FAM149B1: variants seen among roughly 807,000 people sequenced by gnomAD.
The protein encoded by FAM149B1 is family with sequence similarity 149 member B1, also known as primary cilium assembly protein FAM149B1.
In FAM149B1, 56 loss-of-function variants were observed where a neutral mutation model predicts 75.3. The ratio of observed to expected loss-of-function variants is 0.74; its 90% CI spans 0.60 to 0.93. FAM149B1 has a LOEUF of 0.93. Ranked by LOEUF, FAM149B1 falls within the 40% of genes least tolerant of loss-of-function variation. The pLI is 0.00. For synonymous variants in FAM149B1, 259 were observed against 256.1 expected (o/e 1.01, Z -0.11); for missense variants, 639 against 708.4 (o/e 0.90, Z 1.11).
At chr10:73,202,141 G>A (rs970352273) in intron 5 of FAM149B1, among the ~76,000 whole-genome samples, 1 of 152,116 alleles carries the variant, frequency 6.6e-6, no homozygotes, top group Non-Finnish European at 1.5e-5. Context: ...CTCCAGCCTG[G>A]GCGACAGAGC....
At chr10:73,177,186 A>G (rs1050471791) in intron 2 of FAM149B1, among the ~76,000 whole-genome samples, 2 of 152,112 alleles carry the variant, frequency 1.3e-5, no homozygotes, top group African/African-American at 2.4e-5. Context: ...CCTGGGTGAC[A>G]GAGCGAGACC....
At chr10:73,198,530 C>T (rs1388766888) in intron 5 of FAM149B1, among the ~76,000 whole-genome samples, 2 of 152,106 alleles carry the variant, frequency 1.3e-5, no homozygotes, top group Non-Finnish European at 2.9e-5. Flanking sequence ...TCAGGCTGGG[C>T]GTGGTGGCTC....
intron 3 of FAM149B1, among the ~76,000 whole-genome samples, chr10:73,178,946 G>A (rs533796844): frequency 2.0e-5 from 3 of 152,044 alleles, no homozygotes; most frequent in African/African-American, 7.2e-5. Context: ...GATGCAAGAT[G>A]CAATAGACAT....
intron 3 of FAM149B1, among the ~76,000 whole-genome samples, chr10:73,178,988 C>T (rs534218549): frequency 2.0e-5 from 3 of 150,854 alleles, no homozygotes; most frequent in Non-Finnish European, 2.9e-5. Flanking sequence ...TTTTTTGGAA[C>T]GGAGTCTCGC....
intron 1 of FAM149B1, among the ~76,000 whole-genome samples, chr10:73,170,790 A>G (rs1383065115): frequency 6.7e-6 from 1 of 150,100 alleles, no homozygotes; most frequent in African/African-American, 2.4e-5. Context: ...GTTCCTACTT[A>G]AAAAAAAAAT....
intron 3 of FAM149B1, among the ~76,000 whole-genome samples, chr10:73,185,251 A>G (rs866968882): frequency 6.6e-6 from 1 of 152,248 alleles, no homozygotes; most frequent in East Asian, 1.9e-4. Flanking sequence ...AACTAAATTA[A>G]TAATTAAAAA....
chr10:73,183,537 T>G (rs2042451301), intron 3 of FAM149B1: 1 of 152,120 alleles, frequency 6.6e-6, no homozygotes, highest in Non-Finnish European at 1.5e-5. Context: ...ACTTCTCAAT[T>G]CAGTTCATAA....
At chr10:73,216,849 T>TAA (rs2043308900) in intron 7 of FAM149B1, among the ~76,000 whole-genome samples, 1 of 152,206 alleles carries the variant, frequency 6.6e-6, no homozygotes, top group Admixed American at 6.5e-5. Flanking sequence ...AAGTGTGTTA[T>TAA]AAGTTCTGAC....
intron 3 of FAM149B1, among the ~76,000 whole-genome samples, chr10:73,188,733 GAA>G (rs200642036): frequency 2.6e-5 from 2 of 78,100 alleles, no homozygotes; most frequent in East Asian, 5.8e-4. Flanking sequence ...TCAGAAAAAA[GAA>G]AAAAAAAAAG....
intron 11 of FAM149B1, 62 bp downstream of exon 11, chr10:73,235,002 T>C: frequency 6.5e-7 from 1 of 1,529,684 alleles, no homozygotes; most frequent in Non-Finnish European, 8.8e-7. Flanking sequence ...GCAGTAATTC[T>C]GCAGGATCTG....
chr10:73,197,701 C>G (rs2042839617), intron 5 of FAM149B1, among the ~76,000 whole-genome samples: 1 of 151,700 alleles, frequency 6.6e-6, no homozygotes, highest in Non-Finnish European at 1.5e-5. Context: ...ACTCAGGAGG[C>G]AGAGGTTGCA....
At chr10:73,189,816 C>T (rs762432135) in intron 3 of FAM149B1, among the ~76,000 whole-genome samples, 2 of 152,226 alleles carry the variant, frequency 1.3e-5, no homozygotes, top group Admixed American at 6.5e-5. Flanking sequence ...TGTCAAATCT[C>T]ATTTGCTGTA....
At chr10:73,195,928 A>G (rs1242114383) in intron 5 of FAM149B1, among the ~76,000 whole-genome samples, 1 of 152,220 alleles carries the variant, frequency 6.6e-6, no homozygotes, top group Non-Finnish European at 1.5e-5. Flanking sequence ...AACAAAATCT[A>G]TGATATTTAC....
chr10:73,218,086 C>A (rs912796110), intron 7 of FAM149B1, among the ~76,000 whole-genome samples: 1 of 152,124 alleles, frequency 6.6e-6, no homozygotes, highest in African/African-American at 2.4e-5. Context: ...CCAACACACC[C>A]AACATACAAG....
chr10:73,169,604 ACAC>A (rs999294661), intron 1 of FAM149B1, among the ~76,000 whole-genome samples: 4 of 151,930 alleles, frequency 2.6e-5, no homozygotes, highest in Admixed American at 2.6e-4. Context: ...CTACAGGTGC[ACAC>A]CACCACAACT....
intron 12 of FAM149B1, among the ~76,000 whole-genome samples, chr10:73,236,018 G>T (rs527467416): frequency 3.9e-5 from 6 of 152,274 alleles, no homozygotes; most frequent in African/African-American, 1.2e-4. Flanking sequence ...CACTTGGAGA[G>T]CCTGGGGAAG....
At chr10:73,225,078 CCTA>C (rs1403182479) in intron 7 of FAM149B1, among the ~76,000 whole-genome samples, 4 of 152,192 alleles carry the variant, frequency 2.6e-5, no homozygotes, top group Admixed American at 2.6e-4. Context: ...TATAAACAAA[CCTA>C]CTGCACTGCC....
chr10:73,210,424 A>G lies in FAM149B1; in HGVS notation c.884A>G (p.Glu295Gly). ...GAGCAGTTGACACGTAGTCACTGGGAAGGATTTGCCTCTGGTAAGGATCTT... is the reference window on the plus strand; with the variant it reads ...GAGCAGTTGACACGTAGTCACTGGGGAGGATTTGCCTCTGGTAAGGATCTT... The part of the protein sequence containing the change: ...CMEQLTRSHW[E>G]GFASDDESNV... Residue 295 changes from glutamate (E) to glycine (G), a missense_variant, in exon 7 of 14, where the codon GAA becomes GGA. Glu to Gly is a moderately conservative substitution (Grantham distance 98). Coordinates refer to ENST00000242505, the MANE Select transcript of FAM149B1 (RefSeq NM_173348.2). 1 of 1,541,910 alleles carries G rather than the reference A, an allele frequency of 6.5e-7. No individual in the cohort carries two copies. Among genetic ancestry groups the G allele is most frequent in the Non-Finnish European group, 8.7e-7 (1 of 1,142,880 alleles).
intron 5 of FAM149B1, among the ~76,000 whole-genome samples, chr10:73,193,818 T>A (rs553108777): frequency 1.3e-5 from 2 of 152,298 alleles, no homozygotes; most frequent in South Asian, 2.1e-4. Flanking sequence ...CTGTTTTCTG[T>A]TGCTTGTAAC....
Sources: gnomAD v4.1 joint callset for allele counts (sites outside exome capture counted in the v4.1 genomes callset) on GRCh38, gnomAD v4.1.1 for gene constraint, MANE v1.5 for transcripts, NCBI Gene and HGNC (gene_info 2026-07-23, HGNC 2026-07-21) for gene names.